The following RFWD3 variants were observed in gnomAD, a reference collection of about 807,000 sequenced individuals.
RFWD3 encodes ring finger and WD repeat domain 3, also known as E3 ubiquitin-protein ligase RFWD3.
In RFWD3, 65 loss-of-function variants were observed where a neutral mutation model predicts 87.7. That is an observed-to-expected ratio of 0.74 (90% confidence interval 0.61 to 0.91). The LOEUF (loss-of-function observed/expected upper bound fraction) is 0.91, where lower values mean the gene tolerates loss of function less well. RFWD3 is among the 40% of genes least tolerant of loss of function. The pLI, the probability that RFWD3 is intolerant of heterozygous loss-of-function variation, is 0.00. For missense variants in RFWD3, 1,078 were observed against 938.5 expected, an observed-to-expected ratio of 1.15 and a Z score of -1.94; for synonymous variants, 433 against 352.8, an observed-to-expected ratio of 1.23 and a Z score of -2.55.
Position 74,636,531 on chromosome 16 carries a change from G to A in RFWD3, c.1241C>T (p.Pro414Leu), listed in dbSNP as rs374480360. The change falls in exon 8 of 13, where the codon CCC becomes CTC. Residue 414 changes from proline to leucine, a missense_variant. Coordinates refer to ENST00000361070, the MANE Select transcript of RFWD3 (RefSeq NM_018124.4). ...TSHQSQNLQQ[P>L]RGSQAWVLSC... is the part of the protein sequence containing the mutation. ...CAGGACCCATGCTTGGGAGCCCCTG[G>A]GTTGCTGTAAATTCTGACTTTGATG... 1 of 1,613,698 alleles carries A rather than the reference G, an allele frequency of 6.2e-7. No homozygotes were observed. The highest frequency in any genetic ancestry group is 8.5e-7 in the Non-Finnish European group (1 of 1,180,012).
intron 10 of RFWD3, among the ~76,000 whole-genome samples, chr16:74,629,585 C>T (rs956722820): frequency 6.6e-5 from 10 of 151,936 alleles, no homozygotes; most frequent in African/African-American, 2.4e-4. Context: ...CAAGACTGTG[C>T]CACTGCACTC....
At chr16:74,660,734 C>T (rs954426096) in intron 2 of RFWD3, 198 bp downstream of exon 2, 1 of 581,214 alleles carries the variant, frequency 1.7e-6, no homozygotes, top group Non-Finnish European at 3.0e-6. Context: ...ACCTAGTTTT[C>T]AAGGCACAAC....
chr16:74,662,750 G>A (rs1444522368), intron 1 of RFWD3, among the ~76,000 whole-genome samples: 1 of 152,156 alleles, frequency 6.6e-6, no homozygotes, highest in East Asian at 1.9e-4. Flanking sequence ...TCTATGTTAG[G>A]AATGCACTGT....
chr16:74,623,742 G>A lies in RFWD3; in HGVS notation c.*186C>T. 7 of 579,928 alleles carry A rather than the reference G, an allele frequency of 1.2e-5. 1 individual carries two copies. The South Asian group carries it at 1.6e-4, about 14-fold the overall frequency. The allele number at this position is 579,928 out of a possible 1,614,324, so 35.9% of individuals were successfully genotyped here. Reference sequence around the variant, plus strand: ...GTACCCATCAATTACTCTTTTAGTGGACATAACAGATACACAATCTGTAGT... The same window carrying A: ...GTACCCATCAATTACTCTTTTAGTGAACATAACAGATACACAATCTGTAGT... On this transcript the variant is annotated 3_prime_UTR_variant, in exon 13 of 13. Transcript: ENST00000361070.
At chr16:74,624,490 G>A (rs575002442) in intron 12 of RFWD3, among the ~76,000 whole-genome samples, 2 of 152,286 alleles carry the variant, frequency 1.3e-5, no homozygotes, top group South Asian at 4.1e-4. Flanking sequence ...CTGCCTCCTG[G>A]GTTCCAGCGA....
intron 11 of RFWD3, 83 bp from the exon 12 acceptor site, chr16:74,626,637 AC>A (rs1348418041): frequency 5.7e-6 from 6 of 1,058,354 alleles, no homozygotes; most frequent in African/African-American, 1.6e-5. Context: ...CACGCTTACA[AC>A]CTAGTTGGAT....
At chr16:74,648,250 A>G (rs1960310432) in intron 4 of RFWD3, among the ~76,000 whole-genome samples, 1 of 151,884 alleles carries the variant, frequency 6.6e-6, no homozygotes, top group African/African-American at 2.4e-5. Context: ...CACACAAATA[A>G]TGAGTAACTG....
chr16:74,646,351 G>A (rs1283484795), intron 4 of RFWD3, among the ~76,000 whole-genome samples: 1 of 152,170 alleles, frequency 6.6e-6, no homozygotes, highest in Non-Finnish European at 1.5e-5. Context: ...ACTCCAGCAT[G>A]AGGGACAGAA....
chr16:74,629,568 A>C (rs1031255551), intron 10 of RFWD3, among the ~76,000 whole-genome samples: 17 of 152,028 alleles, frequency 1.1e-4, no homozygotes, highest in African/African-American at 4.1e-4. Context: ...TGGAGGATGC[A>C]GTGATCCAAG....
In RFWD3 at chr16:74,628,499, A is replaced by G; in HGVS notation, c.1922T>C (p.Phe641Ser). ...LPLEPGGCID[F>S]QTENSSRHCL... ...GTGCCGGGAGCTGTTCTCTGTCTGA[A>G]AGTCTATGCAGCCCCCTGGCTCCAA... The change falls in exon 11 of 13, where the codon TTT (phenylalanine) becomes TCT (serine). Residue 641 changes from phenylalanine (F) to serine (S), a missense_variant. Physicochemically the swap from Phe to Ser is radical, Grantham distance 155 (BLOSUM62 -2). Transcript: ENST00000361070. The G allele has an allele frequency of 1.2e-6, 2 of 1,614,124 alleles. No homozygotes were observed. Among genetic ancestry groups the G allele is most frequent in the Non-Finnish European group, 1.7e-6 (2 of 1,180,020 alleles).
At chr16:74,648,847 A>G (rs1960362954) in intron 4 of RFWD3, among the ~76,000 whole-genome samples, 1 of 152,092 alleles carries the variant, frequency 6.6e-6, no homozygotes, top group African/African-American at 2.4e-5. Context: ...ATGGTTTGGG[A>G]GGCCGAGGCA....
chr16:74,644,983 GA>G (rs1221370026), intron 4 of RFWD3, among the ~76,000 whole-genome samples: 1 of 152,042 alleles, frequency 6.6e-6, no homozygotes, highest in African/African-American at 2.4e-5. Context: ...TCACTCAAAG[GA>G]AGAAAAGCAG....
At chr16:74,660,769 T>G in intron 2 of RFWD3, 163 bp downstream of exon 2, 1 of 702,998 alleles carries the variant, frequency 1.4e-6, no homozygotes, top group Non-Finnish European at 2.4e-6. Flanking sequence ...CTTCATTACT[T>G]TGTGAAGTAA....
intron 9 of RFWD3, among the ~76,000 whole-genome samples, chr16:74,631,404 C>A (rs1412330547): frequency 6.6e-6 from 1 of 151,878 alleles, no homozygotes; most frequent in Middle Eastern, 3.4e-3. Flanking sequence ...CCCTGGGATG[C>A]GGAAGTTGCA....
Position 74,661,103 on chromosome 16 carries a change from G to A in RFWD3, c.347C>T (p.Ser116Leu), listed in dbSNP as rs1164100229. 5 of 1,614,076 alleles carry A rather than the reference G, an allele frequency of 3.1e-6. No homozygotes were observed. Among genetic ancestry groups the A allele is most frequent in the East Asian group, 2.2e-5 (1 of 44,902 alleles). The change falls in exon 2 of 13, where the codon TCG (serine) becomes TTG (leucine). Residue 116 changes from serine (S) to leucine (L), a missense_variant. Physicochemically the swap from Ser to Leu is moderately radical, Grantham distance 145. Transcript: ENST00000361070. Reference sequence around the variant, plus strand: ...GATGAAGTTGGTCATTGAATGCAACGAAGATGCTGGGATGGTGTGATTACC... The same window carrying A: ...GATGAAGTTGGTCATTGAATGCAACAAAGATGCTGGGATGGTGTGATTACC... ...SDGNHTIPAS[S>L]LHSMTNFISG... is the part of the protein sequence containing the mutation.
At chr16:74,642,827 A>C (rs1485471936) in intron 6 of RFWD3, among the ~76,000 whole-genome samples, 1 of 152,204 alleles carries the variant, frequency 6.6e-6, no homozygotes, top group Non-Finnish European at 1.5e-5. Context: ...GCAATATGGC[A>C]AAACATTAAG....
chr16:74,632,687 A>G lies in RFWD3; in HGVS notation c.1427-14T>C. On this transcript the variant is annotated splice_polypyrimidine_tract_variant and intron_variant, in intron 8 of 12. Coordinates refer to ENST00000361070, the MANE Select transcript of RFWD3 (RefSeq NM_018124.4). ...TAACACCAAAGCCTGAAAAAGGCAA[A>G]ATAGTATGAAATAGATCACTGAAAG... is the stretch of plus-strand genomic sequence containing the variant. The G allele has an allele frequency of 6.2e-7, 1 of 1,613,056 alleles. No individual in the cohort carries two copies. Among genetic ancestry groups the G allele is most frequent in the Non-Finnish European group, 8.5e-7 (1 of 1,179,228 alleles).
At chr16:74,648,108 C>T (rs567328147) in intron 4 of RFWD3, among the ~76,000 whole-genome samples, 7 of 152,144 alleles carry the variant, frequency 4.6e-5, no homozygotes, top group Admixed American at 1.3e-4. Context: ...CCACACCTGG[C>T]GAATGTGCTT....
intron 6 of RFWD3, 30 bp from the exon 7 acceptor site, chr16:74,638,000 G>C (rs1181766886): frequency 2.0e-6 from 3 of 1,498,672 alleles, no homozygotes; most frequent in Non-Finnish European, 2.8e-6. Flanking sequence ...AACAAGTGGG[G>C]ATTAGGAAGG....
Sources: allele counts gnomAD v4.1 joint callset (sites outside exome capture counted in the v4.1 genomes callset), GRCh38; gene constraint gnomAD v4.1.1; transcripts MANE v1.5; gene names NCBI Gene and HGNC (gene_info 2026-07-23, HGNC 2026-07-21).